Variants in DTNA observed in about 807,000 individuals in gnomAD.
The protein encoded by DTNA is dystrobrevin alpha.
A neutral mutation model predicts 100.7 loss-of-function variants in DTNA; 43 were observed. The observed-to-expected ratio is 0.43, with a 90% CI of 0.33 to 0.55. DTNA has a LOEUF of 0.55. DTNA is among the 20% of genes least tolerant of loss of function. The pLI is 0.04. For missense variants in DTNA, 798 were observed against 953.9 expected, an observed-to-expected ratio of 0.84 and a Z score of 2.15; for synonymous variants, 349 against 347.9, an observed-to-expected ratio of 1.00 and a Z score of -0.04.
At chr18:34,560,429 C>T (rs1013636366) in intron 1 of DTNA, among the ~76,000 whole-genome samples, 1 of 152,098 alleles carries the variant, frequency 6.6e-6, no homozygotes, top group African/African-American at 2.4e-5. Flanking sequence ...ATACTTGTAA[C>T]TTAGAATGCC....
intron 3 of DTNA, among the ~76,000 whole-genome samples, chr18:34,790,560 TA>T (rs1352621206): frequency 9.1e-5 from 8 of 88,068 alleles, no homozygotes; most frequent in Admixed American, 3.0e-4. Context: ...TATATATATA[TA>T]TATATATTTT....
At chr18:34,724,490 G>T (rs2086124871) in intron 1 of DTNA, among the ~76,000 whole-genome samples, 1 of 152,192 alleles carries the variant, frequency 6.6e-6, no homozygotes, top group Non-Finnish European at 1.5e-5. Flanking sequence ...TCGCAGTTCT[G>T]CAGGTTGTAC....
At chr18:34,856,605 C>T (rs921939403) in intron 15 of DTNA, among the ~76,000 whole-genome samples, 5 of 152,166 alleles carry the variant, frequency 3.3e-5, no homozygotes, top group Non-Finnish European at 5.9e-5. Flanking sequence ...TTGGGGCTAG[C>T]CAGCCTGGAT....
chr18:34,776,995 C>T (rs1340571673), intron 3 of DTNA, among the ~76,000 whole-genome samples: 1 of 152,242 alleles, frequency 6.6e-6, no homozygotes, highest in Non-Finnish European at 1.5e-5. Flanking sequence ...TCGTCTTTCT[C>T]AATTCTTTGC....
At chr18:34,498,442 TATAATAATAATA>T (rs58997432) in intron 1 of DTNA, among the ~76,000 whole-genome samples, 6,989 of 141,814 alleles carry the variant, frequency 0.049, 357 homozygotes, top group African/African-American at 0.13. Context: ...CAGAAAATAA[TATAATAATAATA>T]ATAATAATAA....
chr18:34,514,451 C>T (rs549165996), intron 1 of DTNA, among the ~76,000 whole-genome samples: 29 of 152,054 alleles, frequency 1.9e-4, no homozygotes, highest in African/African-American at 5.5e-4. Context: ...TAAGAGTCAT[C>T]GATATGACAC....
At chr18:34,705,969 T>TG, upstream of DTNA, among the ~76,000 whole-genome samples, 1 of 152,332 alleles carries the variant, frequency 6.6e-6, no homozygotes, top group Admixed American at 6.5e-5. Context: ...TTTTTCGAGA[T>TG]GGAGTTTTGC....
intron 1 of DTNA, among the ~76,000 whole-genome samples, chr18:34,532,184 G>C (rs568189226): frequency 8.5e-5 from 13 of 152,180 alleles, no homozygotes; most frequent in African/African-American, 2.4e-4. Context: ...TTTAAAACAG[G>C]GCACACTGGT....
At chr18:34,777,499 GTATTAGTTCGTTTTCACACTGC>G (rs1201456481) in intron 3 of DTNA, among the ~76,000 whole-genome samples, 51 of 152,248 alleles carry the variant, frequency 3.3e-4, no homozygotes, top group East Asian at 2.5e-3. Flanking sequence ...TTTTCACACT[GTATTAGTTCGTTTTCACACTGC>G]TATAAAGAAC....
chr18:34,682,682 G>C (rs1443396549), intron 1 of DTNA, among the ~76,000 whole-genome samples: 2 of 151,992 alleles, frequency 1.3e-5, no homozygotes, highest in African/African-American at 4.8e-5. Context: ...CCGATCTTTG[G>C]CCCATTTTTT....
intron 13 of DTNA, among the ~76,000 whole-genome samples, chr18:34,841,250 C>G (rs1364048906): frequency 1.3e-5 from 2 of 152,186 alleles, no homozygotes; most frequent in Non-Finnish European, 2.9e-5. Context: ...TTCATCACCT[C>G]TTTTAAAATC....
intron 2 of DTNA, among the ~76,000 whole-genome samples, chr18:34,762,366 A>G (rs1342530951): frequency 1.3e-5 from 2 of 152,202 alleles, no homozygotes; most frequent in African/African-American, 4.8e-5. Context: ...GACCATGTCT[A>G]AAGCCACAAC....
rs191274124 is a variant in DTNA, at chr18:34,860,208, G to A, written c.1646+1810G>A. Among the ~76,000 whole-genome samples, 388 of 147,664 alleles carry A rather than the reference G, an allele frequency of 2.6e-3. 11 individuals carry two copies. In the East Asian group the frequency reaches 0.033, roughly 12 times the overall value. On this transcript the variant is annotated intron_variant, in intron 16 of 22. Transcript: ENST00000444659. ...ATTACAGGCGCGTGCCACCACGCCC[G>A]GCTAATTTTTTGTTTTTTTTTTTTT...
At chr18:34,714,146 C>T (rs1438112297) in intron 1 of DTNA, among the ~76,000 whole-genome samples, 1 of 152,150 alleles carries the variant, frequency 6.6e-6, no homozygotes. Context: ...AAAACCTAGG[C>T]ATTGCCATTC....
intron 1 of DTNA, among the ~76,000 whole-genome samples, chr18:34,679,301 T>C (rs2077775443): frequency 6.6e-6 from 1 of 152,162 alleles, no homozygotes. Context: ...ATATTTCTTA[T>C]ACTAAATGAA....
At chr18:34,787,617 A>T (rs964684004) in intron 3 of DTNA, among the ~76,000 whole-genome samples, 3 of 152,144 alleles carry the variant, frequency 2.0e-5, no homozygotes, top group Non-Finnish European at 4.4e-5. Context: ...TTTCCTACGG[A>T]TGCTTGGATT....
At chr18:34,505,078 A>G (rs1016337058) in intron 1 of DTNA, among the ~76,000 whole-genome samples, 22 of 152,208 alleles carry the variant, frequency 1.4e-4, no homozygotes, top group Admixed American at 1.3e-4. Flanking sequence ...TACAGTTCTG[A>G]AGGCCAGAAC....
At chr18:34,641,620 G>A (rs2059289323) in intron 1 of DTNA, among the ~76,000 whole-genome samples, 1 of 152,138 alleles carries the variant, frequency 6.6e-6, no homozygotes. Flanking sequence ...TTTTCTGGAG[G>A]AGTTCCTCCA....
chr18:34,807,831 G>T (rs1473696807), intron 5 of DTNA, among the ~76,000 whole-genome samples: 1 of 147,456 alleles, frequency 6.8e-6, no homozygotes, highest in Non-Finnish European at 1.5e-5. Flanking sequence ...ATTAGAAGGT[G>T]CTGACACCGA....
Sources: gnomAD v4.1 joint callset for allele counts (sites outside exome capture counted in the v4.1 genomes callset) on GRCh38, gnomAD v4.1.1 for gene constraint, MANE v1.5 for transcripts, NCBI Gene and HGNC (gene_info 2026-07-23, HGNC 2026-07-21) for gene names.